The following CEP128 variants were observed in gnomAD, a reference collection of about 807,000 sequenced individuals.
CEP128 encodes centrosomal protein 128kDa.
In CEP128, 132 loss-of-function variants were observed where a neutral mutation model predicts 156.7. That is an observed-to-expected ratio of 0.84 (90% confidence interval 0.73 to 0.97). The LOEUF (loss-of-function observed/expected upper bound fraction) is 0.97, where lower values mean the gene tolerates loss of function less well. CEP128 is among the 50% of genes least tolerant of loss of function. The pLI is 0.00. For synonymous variants in CEP128, 469 were observed against 448.9 expected, an observed-to-expected ratio of 1.04 and a Z score of -0.57; for missense variants, 1,252 against 1,281.9, an observed-to-expected ratio of 0.98 and a Z score of 0.36.
At chr14:80,743,483 A>G (rs1566889822) in intron 18 of CEP128, among the ~76,000 whole-genome samples, 1 of 152,220 alleles carries the variant, frequency 6.6e-6, no homozygotes, top group Non-Finnish European at 1.5e-5. Flanking sequence ...AGATTTTTAA[A>G]AAATATTTTG....
intron 13 of CEP128, among the ~76,000 whole-genome samples, chr14:80,818,247 G>A (rs1471322967): frequency 1.3e-5 from 2 of 152,080 alleles, no homozygotes; most frequent in African/African-American, 2.4e-5. Context: ...TTGAACTCCT[G>A]GACTCAAGCG....
chr14:80,800,573 C>A (rs965351636), intron 13 of CEP128, among the ~76,000 whole-genome samples: 1 of 152,084 alleles, frequency 6.6e-6, no homozygotes, highest in Non-Finnish European at 1.5e-5. Flanking sequence ...ATTCAAATGA[C>A]CCCTTTAATA....
At chr14:80,693,515 G>T (rs972269685) in intron 19 of CEP128, among the ~76,000 whole-genome samples, 8 of 151,708 alleles carry the variant, frequency 5.3e-5, no homozygotes, top group African/African-American at 1.9e-4. Flanking sequence ...AACTTAATTT[G>T]AAAATTAAAA....
chr14:80,889,884 A>G lies in CEP128; in HGVS notation c.645+5834T>C, dbSNP rs941756878. Among the ~76,000 whole-genome samples the G allele has an allele frequency of 2.6e-5, 4 of 152,208 alleles. No individual in the cohort carries two copies. The South Asian group carries it at 8.3e-4, about 31-fold the overall frequency. On this transcript the variant is annotated intron_variant, in intron 8 of 24. Coordinates refer to ENST00000555265, the MANE Select transcript of CEP128 (RefSeq NM_152446.5). ...ATTTTTGCAATCTATCCATCTGACA[A>G]AGAGCTAATGTCCAGAATCTACAAG... is the stretch of plus-strand genomic sequence containing the variant.
intron 8 of CEP128, among the ~76,000 whole-genome samples, chr14:80,865,769 C>A (rs115580400): frequency 6.6e-6 from 1 of 152,074 alleles, no homozygotes; most frequent in Non-Finnish European, 1.5e-5. Flanking sequence ...AGATGCTCTA[C>A]GGAGACGCCA....
At chr14:80,894,490 C>T in intron 8 of CEP128, 1 of 395,622 alleles carries the variant, frequency 2.5e-6, no homozygotes, top group South Asian at 1.9e-5. Context: ...ATATTTTAGA[C>T]TGGTACAATG....
intron 14 of CEP128, among the ~76,000 whole-genome samples, chr14:80,787,987 T>G (rs965122928): frequency 4.6e-5 from 7 of 152,156 alleles, no homozygotes; most frequent in Non-Finnish European, 7.3e-5. Flanking sequence ...AAGCTTCACA[T>G]CAATTCCTGA....
chr14:80,529,944 A>G (rs1291734469), intron 22 of CEP128, among the ~76,000 whole-genome samples: 1 of 152,166 alleles, frequency 6.6e-6, no homozygotes, highest in East Asian at 1.9e-4. Flanking sequence ...CATTATATCA[A>G]TGCTTCCAAT....
At chr14:80,528,375 G>A (rs1368339763) in intron 22 of CEP128, among the ~76,000 whole-genome samples, 1 of 152,208 alleles carries the variant, frequency 6.6e-6, no homozygotes, top group South Asian at 2.1e-4. Context: ...TGCAACCTCC[G>A]CCGCCCTGGT....
At chr14:80,804,286 T>C (rs1050663942) in intron 13 of CEP128, among the ~76,000 whole-genome samples, 1 of 152,114 alleles carries the variant, frequency 6.6e-6, no homozygotes, top group Non-Finnish European at 1.5e-5. Context: ...TGTTTCATAA[T>C]ACAGTTTCCA....
chr14:80,517,801 C>A (rs2140237653), intron 23 of CEP128, among the ~76,000 whole-genome samples: 1 of 152,206 alleles, frequency 6.6e-6, no homozygotes, highest in Non-Finnish European at 1.5e-5. Flanking sequence ...AACCGTGGAA[C>A]CTAGCAACTA....
chr14:80,566,856 A>AC (rs1890932909), intron 20 of CEP128, among the ~76,000 whole-genome samples: 1 of 151,706 alleles, frequency 6.6e-6, no homozygotes. Context: ...ATATTGAAGA[A>AC]AAAAAAAACA....
intron 6 of CEP128, among the ~76,000 whole-genome samples, chr14:80,491,415 G>T (rs761777286): frequency 6.6e-6 from 1 of 152,106 alleles, no homozygotes; most frequent in Non-Finnish European, 1.5e-5. Context: ...AGGCCAGAGG[G>T]GGGGAAAAAG....
At chr14:80,802,496 A>G (rs1172122544) in intron 13 of CEP128, among the ~76,000 whole-genome samples, 3 of 143,228 alleles carry the variant, frequency 2.1e-5, no homozygotes, top group Admixed American at 7.0e-5. Flanking sequence ...TTGAGAACAC[A>G]TGGACACAGA....
intron 20 of CEP128, among the ~76,000 whole-genome samples, chr14:80,564,100 T>C (rs1890810582): frequency 6.6e-6 from 1 of 150,870 alleles, no homozygotes; most frequent in Admixed American, 6.6e-5. Flanking sequence ...AAGAAAAGAG[T>C]TTTCTGGGAA....
At position 80,935,896 on chromosome 14, in the gene CEP128, A is replaced by C. The variant is rs572201596; in HGVS notation, c.-16+3489T>G. Among the ~76,000 whole-genome samples, 14 of 152,302 alleles carry C rather than the reference A, an allele frequency of 9.2e-5. No homozygotes were observed. The South Asian group carries it at 2.9e-3, about 32-fold the overall frequency. On this transcript the variant is annotated intron_variant, in intron 2 of 24. Transcript: ENST00000555265. ...GTAGCCCTAGAGTAAACATAGCTGTAATCAATATGACAGGTAAGGAAACAA... is the reference window on the plus strand; with the variant it reads ...GTAGCCCTAGAGTAAACATAGCTGTCATCAATATGACAGGTAAGGAAACAA...
At chr14:80,856,386 C>A (rs79532407) in intron 9 of CEP128, among the ~76,000 whole-genome samples, 9,922 of 152,234 alleles carry the variant, frequency 0.065, 1,080 homozygotes, top group African/African-American at 0.23. Context: ...TGGCTCACAC[C>A]TGTAATCCCA....
chr14:80,702,510 A>G (rs1217830797), intron 19 of CEP128, among the ~76,000 whole-genome samples: 1 of 152,206 alleles, frequency 6.6e-6, no homozygotes, highest in African/African-American at 2.4e-5. Context: ...AAATGAAGAC[A>G]TTTGCATAAA....
At chr14:80,711,742 T>A (rs1056710610) in intron 19 of CEP128, among the ~76,000 whole-genome samples, 1 of 152,154 alleles carries the variant, frequency 6.6e-6, no homozygotes, top group Non-Finnish European at 1.5e-5. Flanking sequence ...AAAGGATAAA[T>A]GCTTGAAGAA....
Sources: allele counts gnomAD v4.1 joint callset (sites outside exome capture counted in the v4.1 genomes callset), GRCh38; gene constraint gnomAD v4.1.1; transcripts MANE v1.5; gene names NCBI Gene and HGNC (gene_info 2026-07-23, HGNC 2026-07-21).